CLVS1: variants seen among roughly 807,000 people sequenced by gnomAD.
The protein encoded by CLVS1 is clavesin 1.
In CLVS1, 10 loss-of-function variants were observed where a neutral mutation model predicts 33.1. The observed-to-expected ratio is 0.30, with a 90% CI of 0.19 to 0.51. The LOEUF (loss-of-function observed/expected upper bound fraction) is 0.51. CLVS1 is among the 20% of genes least tolerant of loss of function. CLVS1 has a pLI of 0.97. For missense variants in CLVS1, 343 were observed against 433.4 expected (o/e 0.79, Z 1.85); for synonymous variants, 163 against 166.1 (o/e 0.98, Z 0.14).
chr8:61,138,954 G>A (rs1401270303), intron 2 of CLVS1, among the ~76,000 whole-genome samples: 1 of 152,264 alleles, frequency 6.6e-6, no homozygotes, highest in Non-Finnish European at 1.5e-5. Context: ...ATCTCTTGCA[G>A]GAGAGGAAAG....
chr8:60,984,376 A>C, the CLVS1 span, among the ~76,000 whole-genome samples: 4 of 147,174 alleles, frequency 2.7e-5, no homozygotes, highest in Non-Finnish European at 5.9e-5. Context: ...GCTGGAGTGC[A>C]ATGGCGGGAT....
At chr8:61,299,393 G>A (rs1365122631) in intron 1 of CLVS1, among the ~76,000 whole-genome samples, 2 of 152,094 alleles carry the variant, frequency 1.3e-5, no homozygotes, top group African/African-American at 2.4e-5. Flanking sequence ...AAAAGTGCAT[G>A]CTATTGCTAA....
chr8:60,973,531 C>T, the CLVS1 span, among the ~76,000 whole-genome samples: 54 of 152,052 alleles, frequency 3.6e-4, no homozygotes, highest in Admixed American at 2.8e-3. Flanking sequence ...AAGAAGAGAC[C>T]GAAGCAAGTT....
At chr8:61,013,832 A>G in the CLVS1 span, among the ~76,000 whole-genome samples, 3 of 152,168 alleles carry the variant, frequency 2.0e-5, no homozygotes, top group Non-Finnish European at 4.4e-5. Flanking sequence ...TTAAAAATTC[A>G]TGTGATCCAG....
At chr8:61,143,022 C>T (rs1806338543) in intron 2 of CLVS1, among the ~76,000 whole-genome samples, 1 of 152,148 alleles carries the variant, frequency 6.6e-6, no homozygotes. Context: ...AAATTGTTTT[C>T]TCTTCAGCTA....
At chr8:61,143,964 C>G (rs1321920731) in intron 2 of CLVS1, among the ~76,000 whole-genome samples, 1 of 150,754 alleles carries the variant, frequency 6.6e-6, no homozygotes, top group African/African-American at 2.4e-5. Flanking sequence ...TAATAGCATT[C>G]TTGTTTGAAT....
intron 2 of CLVS1, among the ~76,000 whole-genome samples, chr8:61,226,068 G>GA (rs1808322221): frequency 6.6e-6 from 1 of 152,124 alleles, no homozygotes; most frequent in Non-Finnish European, 1.5e-5. Flanking sequence ...TTTTTAAGAA[G>GA]AAAAAACAAA....
rs149666328 is a variant in CLVS1 at position 61,226,627 on chromosome 8, C to T, written c.-151-73050C>T. On this transcript the variant is annotated intron_variant, in intron 2 of 2. Transcript: ENST00000522621. Reference sequence around the variant, plus strand: ...CAGCATTTGTGACTGAACTATTTGCCCTTGAAATCAATAAAATTTCGAGTG... The same window carrying T: ...CAGCATTTGTGACTGAACTATTTGCTCTTGAAATCAATAAAATTTCGAGTG... 1.8e-3 allele frequency among the ~76,000 whole-genome samples: 276 copies of T among 152,106 alleles called. 2 individuals are homozygous for T. The highest frequency in any genetic ancestry group is 6.4e-3 in the African/African-American group (267 of 41,438).
At chr8:61,373,121 G>C (rs1029998897) in intron 2 of CLVS1, among the ~76,000 whole-genome samples, 1 of 152,112 alleles carries the variant, frequency 6.6e-6, no homozygotes, top group Admixed American at 6.5e-5. Context: ...TAAAAAGCTA[G>C]GAGTCCAGAA....
At chr8:61,312,337 A>C (rs959576569) in intron 2 of CLVS1, among the ~76,000 whole-genome samples, 2 of 152,232 alleles carry the variant, frequency 1.3e-5, no homozygotes, top group African/African-American at 4.8e-5. Flanking sequence ...GCTTCGCTCC[A>C]GTTGTAAATC....
chr8:61,200,480 A>T (rs1259611920), intron 2 of CLVS1, among the ~76,000 whole-genome samples: 1 of 152,240 alleles, frequency 6.6e-6, no homozygotes, highest in Non-Finnish European at 1.5e-5. Context: ...TGGTATCTGT[A>T]TATGTACTCT....
chr8:61,420,408 C>A (rs1815610462), intron 3 of CLVS1, among the ~76,000 whole-genome samples: 1 of 152,032 alleles, frequency 6.6e-6, no homozygotes, highest in Admixed American at 6.6e-5. Flanking sequence ...GACCAGACTG[C>A]CTGGCCAATA....
chr8:61,049,465 T>A, the CLVS1 span, among the ~76,000 whole-genome samples: 1 of 152,266 alleles, frequency 6.6e-6, no homozygotes, highest in Non-Finnish European at 1.5e-5. Flanking sequence ...GTTCCAATGA[T>A]AAATTATGAA....
At chr8:61,010,577 C>G in the CLVS1 span, among the ~76,000 whole-genome samples, 6 of 152,182 alleles carry the variant, frequency 3.9e-5, no homozygotes, top group South Asian at 1.2e-3. Flanking sequence ...TTCTGTCTAC[C>G]CTCACATCAA....
At chr8:61,147,840 AGT>A (rs1213216505) in intron 2 of CLVS1, among the ~76,000 whole-genome samples, 1 of 152,246 alleles carries the variant, frequency 6.6e-6, no homozygotes, top group African/African-American at 2.4e-5. Flanking sequence ...ATCATAGGAA[AGT>A]GAGAAAAAAA....
chr8:61,444,275 G>A (rs1816675178), intron 3 of CLVS1, among the ~76,000 whole-genome samples: 1 of 152,160 alleles, frequency 6.6e-6, no homozygotes, highest in Non-Finnish European at 1.5e-5. Flanking sequence ...TTGAATAAGA[G>A]TGATGAGATC....
At chr8:61,125,715 G>T (rs1805956546) in intron 1 of CLVS1, among the ~76,000 whole-genome samples, 1 of 152,164 alleles carries the variant, frequency 6.6e-6, no homozygotes, top group Non-Finnish European at 1.5e-5. Flanking sequence ...CAGGGTCAGA[G>T]CAAGTTCCCA....
At chr8:61,119,463 A>T in intron 1 of CLVS1, among the ~76,000 whole-genome samples, 1 of 141,562 alleles carries the variant, frequency 7.1e-6, no homozygotes, top group African/African-American at 2.7e-5. Context: ...GTTTCTTCCT[A>T]GTCTCGATGG....
the CLVS1 span, among the ~76,000 whole-genome samples, chr8:61,037,090 A>G: frequency 6.6e-6 from 1 of 152,240 alleles, no homozygotes; most frequent in African/African-American, 2.4e-5. Flanking sequence ...CCATGAAACT[A>G]AAAACATTCA....
Sources: gnomAD v4.1 joint callset for allele counts (sites outside exome capture counted in the v4.1 genomes callset) on GRCh38, gnomAD v4.1.1 for gene constraint, MANE v1.5 for transcripts, NCBI Gene and HGNC (gene_info 2026-07-23, HGNC 2026-07-21) for gene names.